The following FAAP24 variants were observed in gnomAD, a reference collection of about 807,000 sequenced individuals.
The protein encoded by FAAP24 is Fanconi anemia core complex-associated protein 24.
In FAAP24, 16 loss-of-function variants were observed where a neutral mutation model predicts 14.3. That is an observed-to-expected ratio of 1.12 (90% CI 0.76 to 1.69). The LOEUF (loss-of-function observed/expected upper bound fraction) is 1.69, where lower values mean the gene tolerates loss of function less well. Among genes scored for constraint, FAAP24 ranks in the 40% most tolerant of loss-of-function variants. The probability of loss-of-function intolerance (pLI) is 0.00; values close to 1 mark genes in which losing one functional copy is unlikely to be tolerated. For synonymous variants in FAAP24, 111 were observed against 106.2 expected (o/e 1.04, Z -0.28); for missense variants, 234 against 262.7 (o/e 0.89, Z 0.75).
At position 32,977,679 on chromosome 19, in the gene FAAP24, G is replaced by T. The variant is rs753187686; in HGVS notation, c.*997G>T. ...CTCACACCTGTAATCCCAGCACTTT[G>T]GGAGGCCAAGGGGGGTGAATCACAA... On this transcript the variant is annotated 3_prime_UTR_variant, in exon 5 of 5. Coordinates refer to ENST00000588258, the MANE Select transcript of FAAP24 (RefSeq NM_152266.5). The T allele has an allele frequency of 2.7e-6, 1 of 372,940 alleles. No individual in the cohort carries two copies. 23.1% of individuals were successfully genotyped at this position (372,940 alleles called of 1,614,324 possible).
intron 4 of FAAP24, among the ~76,000 whole-genome samples, chr19:32,975,896 CCT>C (rs1398921257): frequency 2.6e-5 from 4 of 152,108 alleles, no homozygotes; most frequent in African/African-American, 7.2e-5. Flanking sequence ...TAAATCACCC[CCT>C]CTGATGTGGA....
At position 32,972,330 on chromosome 19, in the gene FAAP24, T is replaced by C. The variant is rs945657104; in HGVS notation, c.-30T>C. The C allele has an allele frequency of 9.7e-6, 4 of 410,582 alleles. No homozygotes were observed. The highest frequency in any genetic ancestry group is 6.2e-4 in the Middle Eastern group (1 of 1,614). The allele number at this position is 410,582 out of a possible 1,614,324, so 25.4% of individuals were successfully genotyped here. A position where few individuals can be genotyped will look rare whatever the true frequency, so the allele number is the denominator to read the frequency against. On this transcript the variant is annotated 5_prime_UTR_variant, in exon 1 of 5. Transcript: ENST00000588258. ...TGCCGGCTGTATTCGGGCCTTGGAC[T>C]GGACTGAGAAGCTACGGTGCGGATC...
intron 4 of FAAP24, among the ~76,000 whole-genome samples, chr19:32,975,132 A>G (rs1055504073): frequency 6.7e-6 from 1 of 148,796 alleles, no homozygotes; most frequent in Non-Finnish European, 1.5e-5. Context: ...TTGGCCTCCC[A>G]AAGTGCTGGG....
Position 32,972,297 on chromosome 19 carries a change from G to T in FAAP24, c.-63G>T. On this transcript the variant is annotated 5_prime_UTR_variant, in exon 1 of 5. Transcript: ENST00000588258. ...AACATGATCTCTAGACTGGGACGGTGGGGTTCCTGCCGGCTGTATTCGGGC... is the reference window on the plus strand; with the variant it reads ...AACATGATCTCTAGACTGGGACGGTTGGGTTCCTGCCGGCTGTATTCGGGC... The T allele has an allele frequency of 2.4e-6, 1 of 424,558 alleles. No homozygotes were observed. The highest frequency in any genetic ancestry group is 3.9e-5 in the Admixed American group (1 of 25,480). The allele number at this position is 424,558 out of a possible 1,614,324, so 26.3% of individuals were successfully genotyped here.
At chr19:32,973,652 G>GGA in intron 3 of FAAP24, 90 bp downstream of exon 3, 1 of 1,366,470 alleles carries the variant, frequency 7.3e-7, no homozygotes, top group Non-Finnish European at 1.0e-6. Context: ...GTCAGTAGTT[G>GGA]GAGACCAGCC....
Position 32,976,965 on chromosome 19 carries a change from C to T in FAAP24, c.*283C>T, listed in dbSNP as rs545414481. ...CCGAGGCATGAGAATCACTTGAACC[C>T]GGGAGGCGGAGGTTGCAGTGAGCTG... On this transcript the variant is annotated 3_prime_UTR_variant, in exon 5 of 5. Coordinates refer to ENST00000588258, the MANE Select transcript of FAAP24 (RefSeq NM_152266.5). 1.6e-5 allele frequency: 8 copies of T among 490,220 alleles called. No individual in the cohort carries two copies. The highest frequency in any genetic ancestry group is 7.7e-5 in the South Asian group (2 of 25,868). 30.4% of individuals were successfully genotyped at this position (490,220 alleles called of 1,614,324 possible).
Position 32,976,419 on chromosome 19 carries a change from A to T in FAAP24, c.397-12A>T. 1 of 1,602,760 alleles carries T rather than the reference A, an allele frequency of 6.2e-7. No homozygotes were observed. On this transcript the variant is annotated splice_polypyrimidine_tract_variant and intron_variant, in intron 4 of 4. Coordinates refer to ENST00000588258, the MANE Select transcript of FAAP24 (RefSeq NM_152266.5). ...AGGGCGCTCACGTGCTGTTGCTTTC[A>T]TTGTGGTTCAGGTTCAAGAGCAAAC...
At position 32,972,715 on chromosome 19, in the gene FAAP24, C is replaced by CTT. The variant is rs56020597; in HGVS notation, c.-14+386_-14+387dup. ...GGCCTTTGTGTTTTCTTTTTCTTTT[C>CTT]TTTTTTTTTTTTTTTTTTGAGACGA... On this transcript the variant is annotated intron_variant, in intron 1 of 4. Transcript: ENST00000588258. Among the ~76,000 whole-genome samples, 125 of 100,722 alleles carry CTT rather than the reference C, an allele frequency of 1.2e-3. 3 individuals carry two copies. The highest frequency in any genetic ancestry group is 2.6e-3 in the African/African-American group (69 of 26,210). The allele number at this position is 100,722 out of a possible 152,430, so 66.1% of individuals were successfully genotyped here. A position where few individuals can be genotyped will look rare whatever the true frequency, so the allele number is the denominator to read the frequency against.
Position 32,973,241 on chromosome 19 carries a change from T to C in FAAP24, c.45T>C (p.Pro15=). 14 of 1,614,058 alleles carry C rather than the reference T, an allele frequency of 8.7e-6. No individual in the cohort carries two copies. The highest frequency in any genetic ancestry group is 1.3e-5 in the African/African-American group (1 of 75,022). Residue 15 remains proline, a synonymous_variant, in exon 2 of 5, where the codon CCT becomes CCC. Coordinates refer to ENST00000588258, the MANE Select transcript of FAAP24 (RefSeq NM_152266.5). ...ATGATACGGGCCCCGTGCACGTGCC[T>C]TTGGGGCATATTGTGGCCAATGAGA... is the stretch of plus-strand genomic sequence containing the variant. ...PPDDTGPVHV[P]LGHIVANEKW...
rs995211432 is a variant in FAAP24, at chr19:32,977,779, T to C, written c.*1097T>C. 7 of 191,820 alleles carry C rather than the reference T, an allele frequency of 3.6e-5. No homozygotes were observed. Among genetic ancestry groups the C allele is most frequent in the Non-Finnish European group, 6.3e-5 (6 of 94,928 alleles). The allele number at this position is 191,820 out of a possible 1,614,324, so 11.9% of individuals were successfully genotyped here. A position where few individuals can be genotyped will look rare whatever the true frequency, so the allele number is the denominator to read the frequency against. On this transcript the variant is annotated 3_prime_UTR_variant, in exon 5 of 5. Coordinates refer to ENST00000588258, the MANE Select transcript of FAAP24 (RefSeq NM_152266.5). The stretch of plus-strand genomic sequence containing the variant: ...ACTAAAAATACAAAAATTAGCTGGG[T>C]GTGGTGGCACACACCTGTAATCCCA...
At chr19:32,974,476 T>G (rs1464704653) in intron 4 of FAAP24, among the ~76,000 whole-genome samples, 1 of 152,114 alleles carries the variant, frequency 6.6e-6, no homozygotes, top group Non-Finnish European at 1.5e-5. Context: ...ATCCTGCCCT[T>G]TCGCTGGTGA....
rs377681596 is a variant in FAAP24 at position 32,972,710 on chromosome 19, C to CTTTTTTTTTTTTTTTTTTTTTTTTT, written c.-14+368_-14+369insTTTTTTTTTTTTTTTTTTTTTTTTT. ...ATTCAGGCCTTTGTGTTTTCTTTTT[C>CTTTTTTTTTTTTTTTTTTTTTTTTT]TTTTCTTTTTTTTTTTTTTTTTTGA... On this transcript the variant is annotated intron_variant, in intron 1 of 4. Coordinates refer to ENST00000588258, the MANE Select transcript of FAAP24 (RefSeq NM_152266.5). Among the ~76,000 whole-genome samples the CTTTTTTTTTTTTTTTTTTTTTTTTT allele has an allele frequency of 1.6e-5, 2 of 128,562 alleles. 1 individual carries two copies. Among genetic ancestry groups the CTTTTTTTTTTTTTTTTTTTTTTTTT allele is most frequent in the African/African-American group, 6.1e-5 (2 of 32,696 alleles). The allele number at this position is 128,562 out of a possible 152,430, so 84.3% of individuals were successfully genotyped here.
Position 32,976,508 on chromosome 19 carries a change from G to C in FAAP24, c.474G>C (p.Ser158=), listed in dbSNP as rs112886802. Residue 158 remains serine (S), a synonymous_variant, in exon 5 of 5, where the codon TCG becomes TCC. Transcript: ENST00000588258. ...KKRALLLSEP[S]LLRTVQQIPG... ...GGGCCCTGCTGCTGTCTGAGCCTTCGCTCCTTCGAACCGTGCAGCAGATCC... is the reference window on the plus strand; with the variant it reads ...GGGCCCTGCTGCTGTCTGAGCCTTCCCTCCTTCGAACCGTGCAGCAGATCC... 9 of 1,614,186 alleles carry C rather than the reference G, an allele frequency of 5.6e-6. No individual in the cohort carries two copies. In the African/African-American group the frequency reaches 8.0e-5, roughly 14 times the overall value.
chr19:32,973,573 G>A lies in FAAP24; in HGVS notation c.243+11G>A, dbSNP rs757765167. ...GTTCGGGTTAGAAATGTAAGTATTA[G>A]GCTGGGTGCTGTGGCTCACGCCAGT... On this transcript the variant is annotated intron_variant, in intron 3 of 4. Coordinates refer to ENST00000588258, the MANE Select transcript of FAAP24 (RefSeq NM_152266.5). 3.7e-6 allele frequency: 6 copies of A among 1,613,932 alleles called. No individual in the cohort carries two copies. In the South Asian group the frequency reaches 5.5e-5, roughly 15 times the overall value.
chr19:32,973,354 A>G (rs1346601259), intron 2 of FAAP24, 52 bp downstream of exon 2: 2 of 1,598,270 alleles, frequency 1.3e-6, no homozygotes, highest in Middle Eastern at 1.7e-4. Flanking sequence ...TATTAAAAAA[A>G]AAAAATCTGC....
chr19:32,973,977 C>A, intron 3 of FAAP24, 83 bp from the exon 4 acceptor site: 1 of 1,357,042 alleles, frequency 7.4e-7, no homozygotes, highest in East Asian at 2.3e-5. Context: ...AATCATTGGC[C>A]AGGTCAGGCA....
In FAAP24 at chr19:32,974,083, A is replaced by G; in HGVS notation, c.267A>G (p.Val89=). ...AGTCCAATAATCTTAAAGGAATTGT[A>G]GTCGTTGAAAAAACCCGGATGAGTG... ...VRNSNNLKGI[V]VVEKTRMSEQ... The change falls in exon 4 of 5, where the codon GTA becomes GTG. Residue 89 remains valine (V), a synonymous_variant. Coordinates refer to ENST00000588258, the MANE Select transcript of FAAP24 (RefSeq NM_152266.5). 1 of 1,614,080 alleles carries G rather than the reference A, an allele frequency of 6.2e-7. No individual in the cohort carries two copies. Among genetic ancestry groups the G allele is most frequent in the Non-Finnish European group, 8.5e-7 (1 of 1,180,014 alleles).
At position 32,973,252 on chromosome 19, in the gene FAAP24, T is replaced by C. The variant is rs762858523; in HGVS notation, c.56T>C (p.Ile19Thr). 1.2e-6 allele frequency: 2 copies of C among 1,614,070 alleles called. No individual in the cohort carries two copies. The highest frequency in any genetic ancestry group is 2.2e-5 in the East Asian group (1 of 44,868). ...CCCGTGCACGTGCCTTTGGGGCATA[T>C]TGTGGCCAATGAGAAATGGCGCGGG... ...TGPVHVPLGH[I>T]VANEKWRGSQ... The change falls in exon 2 of 5, where the codon ATT (isoleucine) becomes ACT (threonine). Residue 19 changes from isoleucine (I) to threonine (T), a missense_variant. Coordinates refer to ENST00000588258, the MANE Select transcript of FAAP24 (RefSeq NM_152266.5).
chr19:32,976,833 A>T lies in FAAP24; in HGVS notation c.*151A>T. 1 of 990,984 alleles carries T rather than the reference A, an allele frequency of 1.0e-6. No individual in the cohort carries two copies. The highest frequency in any genetic ancestry group is 1.4e-6 in the Non-Finnish European group (1 of 691,714). 61.4% of individuals were successfully genotyped at this position (990,984 alleles called of 1,614,324 possible). A position where few individuals can be genotyped will look rare whatever the true frequency, so the allele number is the denominator to read the frequency against. ...GAGGCCGAAGACAGCGGATCATCTGAGGTCAGGAGTTCAAGACCAGCCTGG... is the reference window on the plus strand; with the variant it reads ...GAGGCCGAAGACAGCGGATCATCTGTGGTCAGGAGTTCAAGACCAGCCTGG... On this transcript the variant is annotated 3_prime_UTR_variant, in exon 5 of 5. Transcript: ENST00000588258.
Sources: allele counts gnomAD v4.1 joint callset (sites outside exome capture counted in the v4.1 genomes callset), GRCh38; gene constraint gnomAD v4.1.1; transcripts MANE v1.5; gene names NCBI Gene and HGNC (gene_info 2026-07-23, HGNC 2026-07-21).